Variants in TSHZ3 observed in about 807,000 individuals in gnomAD.
TSHZ3 encodes the protein teashirt homolog 3.
A neutral mutation model predicts 64.5 loss-of-function variants in TSHZ3; 10 were observed. The observed-to-expected ratio is 0.16, with a 90% CI of 0.10 to 0.26. TSHZ3 has a LOEUF of 0.26. Among genes scored for constraint, TSHZ3 ranks in the 10% least tolerant of loss-of-function variants. The pLI is 1.00. For synonymous variants in TSHZ3, 608 were observed against 593.1 expected, an observed-to-expected ratio of 1.03 and a Z score of -0.36; for missense variants, 1,242 against 1,421.7, an observed-to-expected ratio of 0.87 and a Z score of 2.03.
intron 5 of TSHZ3, among the ~76,000 whole-genome samples, chr19:31,192,673 A>G (rs1247627387): frequency 6.6e-6 from 1 of 152,178 alleles, no homozygotes; most frequent in East Asian, 1.9e-4. Context: ...TCTTTGCATT[A>G]CAGTGTAATA....
intron 5 of TSHZ3, among the ~76,000 whole-genome samples, chr19:31,174,483 T>A (rs1446776009): frequency 6.6e-6 from 1 of 152,188 alleles, no homozygotes; most frequent in Non-Finnish European, 1.5e-5. Flanking sequence ...AGAAACACTC[T>A]CACAGAAACA....
At chr19:31,344,949 CA>C (rs1917541358) in intron 1 of TSHZ3, among the ~76,000 whole-genome samples, 1 of 152,160 alleles carries the variant, frequency 6.6e-6, no homozygotes, top group Non-Finnish European at 1.5e-5. Context: ...GCGCTCAAGG[CA>C]AAACTGAGAA....
At chr19:31,183,218 CTCTCTCTCTT>C (rs1363439558) in intron 5 of TSHZ3, among the ~76,000 whole-genome samples, 5,449 of 130,858 alleles carry the variant, frequency 0.042, 313 homozygotes, top group African/African-American at 0.13. Flanking sequence ...CTCTCTCTCT[CTCTCTCTCTT>C]TCTCTCTCTC....
At chr19:31,257,594 C>T (rs1208789985) in intron 1 of TSHZ3, among the ~76,000 whole-genome samples, 3 of 152,212 alleles carry the variant, frequency 2.0e-5, no homozygotes, top group Non-Finnish European at 2.9e-5. Context: ...AAGGCTCCTC[C>T]GCTGTTGGTC....
chr19:31,166,523 G>GA (rs1187461920), intron 5 of TSHZ3, among the ~76,000 whole-genome samples: 1 of 152,180 alleles, frequency 6.6e-6, no homozygotes, highest in Non-Finnish European at 1.5e-5. Flanking sequence ...GGAGAGGATG[G>GA]AGAGATGCCT....
At chr19:31,346,744 A>T (rs1195156462) in intron 1 of TSHZ3, among the ~76,000 whole-genome samples, 1 of 152,164 alleles carries the variant, frequency 6.6e-6, no homozygotes, top group Non-Finnish European at 1.5e-5. Flanking sequence ...AAACTAAAAA[A>T]GAGGAGAAAA....
chr19:31,278,106 A>C lies in TSHZ3; in HGVS notation c.1687T>G (p.Ser563Ala). Residue 563 changes from serine (S) to alanine (A), a missense_variant, in exon 2 of 2, where the codon TCC becomes GCC. Ser to Ala is a moderately conservative substitution (Grantham distance 99, BLOSUM62 1). This residue lies in a region of TSHZ3 where 550 missense variants were observed against 545.1 expected (regional missense o/e 1.01). Coordinates refer to ENST00000240587, the MANE Select transcript of TSHZ3 (RefSeq NM_020856.4). The surrounding 1 kb of genome is among the most constrained non-coding windows in gnomAD (Gnocchi z 4.7). ...GTGCTCTTCCCCGACGAGCCCAGGG[A>C]CAACTTCATCATGTTGGGAAGTTGG... The part of the protein sequence containing the change: ...AYQLPNMMKL[S>A]LGSSGKSTPL... 1 of 1,613,772 alleles carries C rather than the reference A, an allele frequency of 6.2e-7. No individual in the cohort carries two copies. Among genetic ancestry groups the C allele is most frequent in the Non-Finnish European group, 8.5e-7 (1 of 1,179,866 alleles).
chr19:31,271,145 A>T (rs867057242), downstream of TSHZ3, among the ~76,000 whole-genome samples: 5 of 152,258 alleles, frequency 3.3e-5, no homozygotes, highest in Middle Eastern at 3.4e-3. Context: ...CCGCTAACCA[A>T]CAATTTGGCT....
chr19:31,235,869 C>T (rs530613712), intron 3 of TSHZ3, among the ~76,000 whole-genome samples: 2 of 151,908 alleles, frequency 1.3e-5, no homozygotes, highest in East Asian at 3.9e-4. Flanking sequence ...AATGCACCAA[C>T]ACACCTGGCT....
chr19:31,181,769 T>G (rs1274544723), intron 5 of TSHZ3, among the ~76,000 whole-genome samples: 5 of 152,176 alleles, frequency 3.3e-5, no homozygotes, highest in Admixed American at 2.6e-4. Flanking sequence ...TCTGCTTTTT[T>G]TTGTTGTTGC....
chr19:31,186,997 C>A (rs1275666168), intron 5 of TSHZ3, among the ~76,000 whole-genome samples: 1 of 151,670 alleles, frequency 6.6e-6, no homozygotes, highest in Non-Finnish European at 1.5e-5. Flanking sequence ...TCTTTAGTTG[C>A]CAACTAATAT....
At chr19:31,210,882 G>A (rs937053410) in intron 4 of TSHZ3, among the ~76,000 whole-genome samples, 1 of 152,206 alleles carries the variant, frequency 6.6e-6, no homozygotes, top group Non-Finnish European at 1.5e-5. Context: ...AGCATAAAAT[G>A]TTGTTAAATA....
chr19:31,181,010 G>A (rs552577265), intron 5 of TSHZ3, among the ~76,000 whole-genome samples: 23 of 152,278 alleles, frequency 1.5e-4, no homozygotes, highest in African/African-American at 5.3e-4. Context: ...GCTTGGTGGA[G>A]GACTAAGTTG....
At chr19:31,347,861 C>T (rs946562547) in intron 1 of TSHZ3, among the ~76,000 whole-genome samples, 2 of 152,184 alleles carry the variant, frequency 1.3e-5, no homozygotes, top group African/African-American at 2.4e-5. Flanking sequence ...GTGCAGCCAA[C>T]GTGTGAGGTC....
chr19:31,298,217 C>T (rs753325655), intron 1 of TSHZ3, among the ~76,000 whole-genome samples: 21 of 152,058 alleles, frequency 1.4e-4, no homozygotes, highest in African/African-American at 2.2e-4. Flanking sequence ...AAGAGCTTTG[C>T]TGTCCCCGCC....
chr19:31,246,316 A>T (rs928193727), intron 1 of TSHZ3, among the ~76,000 whole-genome samples: 4 of 152,208 alleles, frequency 2.6e-5, no homozygotes, highest in Non-Finnish European at 5.9e-5. Context: ...TGGAGGATAC[A>T]ATCTTTCTTA....
Position 31,279,273 on chromosome 19 carries a change from T to C in TSHZ3, c.520A>G (p.Lys174Glu), listed in dbSNP as rs1434247572. Residue 174 changes from lysine (K) to glutamate (E), a missense_variant, in exon 2 of 2, where the codon AAG (lysine) becomes GAG (glutamate). Lys to Glu is a moderately conservative substitution (Grantham distance 56, BLOSUM62 1). Around this residue, in one of 4 missense-constraint regions of TSHZ3, gnomAD observed 555 missense variants for 704.0 expected, o/e 0.79. Transcript: ENST00000240587. This position sits in a 1 kb window ranked among gnomAD's most constrained non-coding sequence, Gnocchi z 6.4. ...SFDWHQSAMA[K>E]TLQQVSQSRM... ...CTCTGTGACACCTGCTGCAGCGTCT[T>C]AGCCATGGCGCTCTGGTGCCAGTCG... is the stretch of plus-strand genomic sequence containing the variant. The C allele has an allele frequency of 1.2e-6, 2 of 1,613,966 alleles. No homozygotes were observed. Among genetic ancestry groups the C allele is most frequent in the East Asian group, 2.2e-5 (1 of 44,888 alleles).
intron 4 of TSHZ3, among the ~76,000 whole-genome samples, chr19:31,209,912 G>C (rs377039281): frequency 6.7e-6 from 1 of 150,086 alleles, no homozygotes; most frequent in East Asian, 1.9e-4. Flanking sequence ...GTGGTTGGGT[G>C]GGGGGTTCAA....
upstream of TSHZ3, among the ~76,000 whole-genome samples, chr19:31,350,871 C>A (rs1469194435): frequency 1.4e-5 from 2 of 147,108 alleles, no homozygotes; most frequent in African/African-American, 4.9e-5. Context: ...GCTCTCAGGC[C>A]GGGAATGGGG....
Sources: gnomAD v4.1 joint callset for allele counts (sites outside exome capture counted in the v4.1 genomes callset) on GRCh38, gnomAD v4.1.1 for gene constraint, gnomAD v4.1.1 regional missense constraint, Gnocchi (gnomAD v3.1) non-coding constraint, MANE v1.5 for transcripts, NCBI Gene and HGNC (gene_info 2026-07-23, HGNC 2026-07-21) for gene names.